Variants in MDGA2 observed in about 807,000 individuals in gnomAD.
MDGA2 encodes MAM domain containing glycosylphosphatidylinositol anchor 2, also known as MAM domain-containing glycosylphosphatidylinositol anchor protein 2.
In MDGA2, 40 loss-of-function variants were observed where a neutral mutation model predicts 117.8. That is an observed-to-expected ratio of 0.34 (90% CI 0.26 to 0.44). The LOEUF is 0.44. Ranked by LOEUF, MDGA2 falls within the 20% of genes least tolerant of loss-of-function variation. MDGA2 has a pLI of 1.00. For missense variants in MDGA2, 1,123 were observed against 1,250.6 expected (o/e 0.90, Z 1.54); for synonymous variants, 452 against 439.0 (o/e 1.03, Z -0.37).
intron 7 of MDGA2, among the ~76,000 whole-genome samples, chr14:47,042,325 TTTTGTG>T (rs1305001680): frequency 7.5e-6 from 1 of 133,464 alleles, no homozygotes; most frequent in African/African-American, 2.7e-5. Context: ...TTTTTTTTTT[TTTTGTG>T]TGTGTGTGTG....
At chr14:47,497,179 T>A (rs1440826991) in intron 1 of MDGA2, among the ~76,000 whole-genome samples, 5 of 152,296 alleles carry the variant, frequency 3.3e-5, no homozygotes, top group Non-Finnish European at 7.3e-5. Flanking sequence ...TTTCCACAGG[T>A]TATTTATGTT....
intron 1 of MDGA2, among the ~76,000 whole-genome samples, chr14:47,342,035 T>C (rs1253300975): frequency 6.6e-6 from 1 of 151,872 alleles, no homozygotes; most frequent in Non-Finnish European, 1.5e-5. Context: ...AGACAGGTAG[T>C]AGAGACAGGT....
chr14:47,144,392 T>G, intron 3 of MDGA2, 118 bp from the exon 4 acceptor site: 1 of 633,298 alleles, frequency 1.6e-6, no homozygotes, highest in Non-Finnish European at 2.6e-6. Context: ...TACTTACCAC[T>G]AGGTACTCTT....
chr14:47,653,452 A>G (rs1897682160), intron 1 of MDGA2, among the ~76,000 whole-genome samples: 10 of 152,122 alleles, frequency 6.6e-5, no homozygotes, highest in Admixed American at 5.9e-4. Flanking sequence ...GGACTACAAA[A>G]TTAGATGGTT....
At chr14:47,251,931 G>GTATTATTAT (rs137890834) in intron 2 of MDGA2, among the ~76,000 whole-genome samples, 237 of 150,452 alleles carry the variant, frequency 1.6e-3, no homozygotes, top group South Asian at 2.9e-3. Flanking sequence ...GGTTTCTCTT[G>GTATTATTAT]TATTATTATT....
At chr14:47,198,601 G>A (rs1268561150) in intron 3 of MDGA2, among the ~76,000 whole-genome samples, 3 of 152,224 alleles carry the variant, frequency 2.0e-5, no homozygotes, top group East Asian at 3.9e-4. Flanking sequence ...ATGATAGGAT[G>A]AGTACTAGCT....
intron 5 of MDGA2, among the ~76,000 whole-genome samples, chr14:47,112,395 C>T (rs899670304): frequency 2.6e-5 from 4 of 152,140 alleles, no homozygotes; most frequent in Non-Finnish European, 5.9e-5. Context: ...GATGCTCTCC[C>T]TCCCTCTACC....
Position 47,285,443 on chromosome 14 carries a change from A to G in MDGA2, c.420+15968T>C, listed in dbSNP as rs180932194. ...AATAAATCATAAGCAGTAAATTTAG[A>G]GATATTGTCTAAAAATTTATTACTT... is the stretch of plus-strand genomic sequence containing the variant. On this transcript the variant is annotated intron_variant, in intron 2 of 16. Transcript: ENST00000399232. Among the ~76,000 whole-genome samples, 3 of 152,250 alleles carry G rather than the reference A, an allele frequency of 2.0e-5. No individual in the cohort carries two copies. In the East Asian group the frequency reaches 5.8e-4, roughly 29 times the overall value.
At chr14:47,435,642 T>C (rs1343233766) in intron 1 of MDGA2, among the ~76,000 whole-genome samples, 1 of 152,162 alleles carries the variant, frequency 6.6e-6, no homozygotes, top group African/African-American at 2.4e-5. Context: ...AGAGTCATCA[T>C]AAATGGCCAT....
chr14:47,389,116 T>C (rs1053861910), intron 1 of MDGA2, among the ~76,000 whole-genome samples: 46 of 152,190 alleles, frequency 3.0e-4, no homozygotes, highest in African/African-American at 1.1e-3. Flanking sequence ...ACCAAAATCC[T>C]ATGATCAGCA....
chr14:46,864,543 C>CTTTTTTTTTTTT (rs1566496919), intron 14 of MDGA2, among the ~76,000 whole-genome samples: 2 of 17,188 alleles, frequency 1.2e-4, no homozygotes, highest in African/African-American at 1.9e-4. Context: ...GCAGATATTG[C>CTTTTTTTTTTTT]TGTTTTTTTT....
chr14:47,568,125 T>G (rs1439699760), intron 1 of MDGA2, among the ~76,000 whole-genome samples: 1 of 152,146 alleles, frequency 6.6e-6, no homozygotes, highest in Non-Finnish European at 1.5e-5. Context: ...GCGAGGTTAT[T>G]AAAGTTAGAA....
intron 2 of MDGA2, among the ~76,000 whole-genome samples, chr14:47,253,470 G>A (rs1424577832): frequency 6.6e-6 from 1 of 152,210 alleles, no homozygotes; most frequent in African/African-American, 2.4e-5. Context: ...AAATTCAGTA[G>A]GGCAATCATT....
rs1881216395 is a variant in MDGA2 at position 46,855,094 on chromosome 14, G to A, written c.2813C>T (p.Ser938Phe). Reference sequence around the variant, plus strand: ...TCTTTGTCCTTTATTCCCACTTGAAGACCACAGTGGATTCTCTATTGTTGT... The same window carrying A: ...TCTTTGTCCTTTATTCCCACTTGAAAACCACAGTGGATTCTCTATTGTTGT... Reference protein sequence around the residue: ...GQTTIENPLWSSSGNKGQRWN... With the variant: ...GQTTIENPLWFSSGNKGQRWN... Residue 938 changes from serine to phenylalanine, a missense_variant, in exon 15 of 17, where the codon TCT (serine) becomes TTT (phenylalanine). Physicochemically the swap from Ser to Phe is radical, Grantham distance 155. Coordinates refer to ENST00000399232, the MANE Select transcript of MDGA2 (RefSeq NM_001113498.3). This position sits in a 1 kb window ranked among gnomAD's most constrained non-coding sequence, Gnocchi z 4.1. 1 of 1,610,750 alleles carries A rather than the reference G, an allele frequency of 6.2e-7. No homozygotes were observed. The highest frequency in any genetic ancestry group is 8.5e-7 in the Non-Finnish European group (1 of 1,177,706).
At chr14:47,601,296 T>C (rs962184794) in intron 1 of MDGA2, among the ~76,000 whole-genome samples, 2 of 152,114 alleles carry the variant, frequency 1.3e-5, no homozygotes, top group Non-Finnish European at 2.9e-5. Flanking sequence ...GCTGTGGTTA[T>C]AGGGCAAGAT....
Position 47,673,144 on chromosome 14 carries a change from C to A in MDGA2, c.280+1373G>T, listed in dbSNP as rs962052719. ...GGAGTGCAGTGGGTACCAGAGCTCA[C>A]CTCAGCACTGTTCAGCCCTGGACAG... On this transcript the variant is annotated intron_variant, in intron 1 of 16. Transcript: ENST00000399232. Among the ~76,000 whole-genome samples, 10 of 152,188 alleles carry A rather than the reference C, an allele frequency of 6.6e-5. No homozygotes were observed. In the South Asian group the frequency reaches 1.5e-3, roughly 22 times the overall value.
At chr14:47,392,547 T>C (rs1425414654) in intron 1 of MDGA2, among the ~76,000 whole-genome samples, 2 of 152,036 alleles carry the variant, frequency 1.3e-5, no homozygotes, top group Non-Finnish European at 2.9e-5. Flanking sequence ...AGACTCTGCC[T>C]TCAACAAGCA....
chr14:47,414,642 A>C (rs1173496490), intron 1 of MDGA2, among the ~76,000 whole-genome samples: 2 of 152,146 alleles, frequency 1.3e-5, no homozygotes, highest in Non-Finnish European at 2.9e-5. Flanking sequence ...CATACATTGT[A>C]CTTGTGGATC....
At position 47,521,818 on chromosome 14, in the gene MDGA2, CCCA is replaced by C. The variant is rs1894873011; in HGVS notation, c.280+152696_280+152698del. On this transcript the variant is annotated intron_variant, in intron 1 of 16. Transcript: ENST00000399232. Reference sequence around the variant, plus strand: ...TCCCGAGTAGCTGGGATAACAGGTGCCCACCACCACACCTGGCTAATTTTTGTA... The same window carrying C: ...TCCCGAGTAGCTGGGATAACAGGTGCCCACCACACCTGGCTAATTTTTGTA... Among the ~76,000 whole-genome samples the C allele has an allele frequency of 2.0e-5, 3 of 152,102 alleles. No individual in the cohort carries two copies. In the South Asian group the frequency reaches 6.2e-4, roughly 32 times the overall value.
Sources: allele counts gnomAD v4.1 joint callset (sites outside exome capture counted in the v4.1 genomes callset), GRCh38; gene constraint gnomAD v4.1.1; non-coding constraint Gnocchi (gnomAD v3.1); transcripts MANE v1.5; gene names NCBI Gene and HGNC (gene_info 2026-07-23, HGNC 2026-07-21).